GNAL: variants seen among roughly 807,000 people sequenced by gnomAD.
GNAL encodes guanine nucleotide-binding protein G(olf) subunit alpha.
In GNAL, 18 loss-of-function variants were observed where a neutral mutation model predicts 55.1. The ratio of observed to expected loss-of-function variants is 0.33; its 90% CI spans 0.23 to 0.48. GNAL has a LOEUF of 0.48. GNAL is among the 20% of genes least tolerant of loss of function. The pLI is 0.99. For missense variants in GNAL, 412 were observed against 614.1 expected, an observed-to-expected ratio of 0.67 and a Z score of 3.48; for synonymous variants, 253 against 237.0, an observed-to-expected ratio of 1.07 and a Z score of -0.62.
intron 6 of GNAL, among the ~76,000 whole-genome samples, 158 bp from the exon 7 acceptor site, chr18:11,864,375 G>A (rs1254864409): frequency 1.3e-5 from 2 of 152,164 alleles, no homozygotes; most frequent in Non-Finnish European, 2.9e-5. Flanking sequence ...TTACAGGCGT[G>A]AGTCACCATG....
chr18:11,781,822 AG>A (rs1373271703), intron 4 of GNAL, among the ~76,000 whole-genome samples: 2 of 152,156 alleles, frequency 1.3e-5, no homozygotes, highest in Non-Finnish European at 2.9e-5. Flanking sequence ...CCAAAAGGGG[AG>A]GGGTCACACT....
At chr18:11,693,449 A>G (rs961953497) in intron 1 of GNAL, among the ~76,000 whole-genome samples, 1 of 152,260 alleles carries the variant, frequency 6.6e-6, no homozygotes, top group Non-Finnish European at 1.5e-5. Flanking sequence ...GCATACTGTT[A>G]CATGAGGTTG....
intron 1 of GNAL, among the ~76,000 whole-genome samples, chr18:11,716,057 G>A (rs1309421165): frequency 1.3e-5 from 2 of 152,166 alleles, no homozygotes; most frequent in African/African-American, 2.4e-5. Context: ...TGGTGGGAGT[G>A]TAAATTAGTT....
chr18:11,880,544 C>T (rs570146873), intron 11 of GNAL, among the ~76,000 whole-genome samples: 1 of 152,280 alleles, frequency 6.6e-6, no homozygotes, highest in African/African-American at 2.4e-5. Context: ...CACTGCACTC[C>T]AGCCTGGGCA....
chr18:11,776,095 C>T (rs1451310689), intron 4 of GNAL, among the ~76,000 whole-genome samples: 1 of 152,238 alleles, frequency 6.6e-6, no homozygotes, highest in Non-Finnish European at 1.5e-5. Flanking sequence ...TCAACAGCAT[C>T]CGCCTCCAGA....
At chr18:11,879,043 C>T (rs2036598046) in intron 11 of GNAL, among the ~76,000 whole-genome samples, 1 of 151,544 alleles carries the variant, frequency 6.6e-6, no homozygotes, top group South Asian at 2.1e-4. Flanking sequence ...CAACATGGCA[C>T]ATGTATACAT....
chr18:11,747,805 A>G (rs933816744), intron 1 of GNAL, among the ~76,000 whole-genome samples: 1 of 152,050 alleles, frequency 6.6e-6, no homozygotes, highest in African/African-American at 2.4e-5. Context: ...TGTGCCTTTC[A>G]AATTCTCCAC....
At chr18:11,801,661 C>T (rs542436539) in intron 4 of GNAL, among the ~76,000 whole-genome samples, 29 of 152,124 alleles carry the variant, frequency 1.9e-4, no homozygotes, top group African/African-American at 6.3e-4. Flanking sequence ...GTGAGAGGTG[C>T]GGATGGTTGG....
At chr18:11,867,821 A>AT (rs1430544675) in intron 8 of GNAL, among the ~76,000 whole-genome samples, 8 of 147,336 alleles carry the variant, frequency 5.4e-5, no homozygotes, top group African/African-American at 1.3e-4. Flanking sequence ...TGTCAAAAAA[A>AT]AATAATAATA....
At chr18:11,703,363 T>TAAGG (rs756792019) in intron 1 of GNAL, among the ~76,000 whole-genome samples, 3 of 152,224 alleles carry the variant, frequency 2.0e-5, no homozygotes, top group African/African-American at 7.2e-5. Context: ...ATGTGACCTA[T>TAAGG]AAGGAAGTGT....
chr18:11,851,833 C>T lies in GNAL; in HGVS notation c.723-10562C>T, dbSNP rs758163510. 4.3e-6 allele frequency: 7 copies of T among 1,613,932 alleles called. No homozygotes were observed. In the Admixed American group the frequency reaches 1.2e-4, roughly 27 times the overall value. On this transcript the variant is annotated intron_variant, in intron 5 of 11. Transcript: ENST00000334049. Reference sequence around the variant, plus strand: ...GGATGCGACATTGAAGACCATGAATCTGGAGAAGATTTCTGCTTTGATGGA... The same window carrying T: ...GGATGCGACATTGAAGACCATGAATTTGGAGAAGATTTCTGCTTTGATGGA...
At chr18:11,757,074 A>T (rs2033081108) in intron 4 of GNAL, among the ~76,000 whole-genome samples, 1 of 152,194 alleles carries the variant, frequency 6.6e-6, no homozygotes, top group Admixed American at 6.5e-5. Flanking sequence ...CTTATCTTAG[A>T]AACAAACATC....
Position 11,818,320 on chromosome 18 carries a change from C to T in GNAL, c.625-6598C>T, listed in dbSNP as rs192038129. 7.9e-5 allele frequency among the ~76,000 whole-genome samples: 12 copies of T among 152,272 alleles called. No homozygotes were observed. In the East Asian group the frequency reaches 1.3e-3, roughly 17 times the overall value. Reference sequence around the variant, plus strand: ...ACCAGATACCTGAAAAAAGAAACAACGGATACCTACTAGCTCATTCTGTTA... The same window carrying T: ...ACCAGATACCTGAAAAAAGAAACAATGGATACCTACTAGCTCATTCTGTTA... On this transcript the variant is annotated intron_variant, in intron 4 of 11. Coordinates refer to ENST00000334049, the MANE Select transcript of GNAL (RefSeq NM_182978.4).
chr18:11,735,314 G>C lies in GNAL; in HGVS notation c.377-17539G>C, dbSNP rs111432603. Among the ~76,000 whole-genome samples, 1,277 of 152,150 alleles carry C rather than the reference G, an allele frequency of 8.4e-3. 18 individuals carry two copies. The highest frequency in any genetic ancestry group is 0.029 in the African/African-American group (1,208 of 41,524). ...GATCCACCCGCCTTGCCCTTCCAAA[G>C]TGCTGGGATTACTGGTGTGAGCCAC... On this transcript the variant is annotated intron_variant, in intron 1 of 11. Coordinates refer to ENST00000334049, the MANE Select transcript of GNAL (RefSeq NM_182978.4).
At chr18:11,696,538 A>G (rs2031420026) in intron 1 of GNAL, among the ~76,000 whole-genome samples, 1 of 151,306 alleles carries the variant, frequency 6.6e-6, no homozygotes, top group East Asian at 1.9e-4. Context: ...ACACATCCTT[A>G]CAGCCTTAAA....
intron 4 of GNAL, among the ~76,000 whole-genome samples, chr18:11,786,436 CTTTTTTTTTTTTTTTTTTT>C (rs66803403): frequency 1.6e-5 from 1 of 60,616 alleles, no homozygotes; most frequent in Non-Finnish European, 2.8e-5. Context: ...CATACGTTTT[CTTTTTTTTTTTTTTTTTTT>C]TTTTTTTTTT....
At chr18:11,728,402 C>T (rs2032262042) in intron 1 of GNAL, among the ~76,000 whole-genome samples, 3 of 152,094 alleles carry the variant, frequency 2.0e-5, no homozygotes, top group South Asian at 4.2e-4. Flanking sequence ...GCTCTCACAG[C>T]CAGTGTCATG....
intron 5 of GNAL, among the ~76,000 whole-genome samples, chr18:11,859,448 A>G (rs548238233): frequency 6.6e-6 from 1 of 152,340 alleles, no homozygotes; most frequent in African/African-American, 2.4e-5. Flanking sequence ...CCAGGCCAGC[A>G]ACCACCATGC....
In GNAL at chr18:11,751,443, G is replaced by A. The variant is rs2032822918; in HGVS notation, c.377-1410G>A. The A allele has an allele frequency of 1.1e-6, 1 of 913,342 alleles. No homozygotes were observed. The highest frequency in any genetic ancestry group is 1.8e-5 in the African/African-American group (1 of 55,878). The allele number at this position is 913,342 out of a possible 1,614,324, so 56.6% of individuals were successfully genotyped here. ...GGCTGGAGGTAAAGACAGGAGGCTC[G>A]GGAGGCGGCGACGTGGGCGAGCTGG... On this transcript the variant is annotated intron_variant, in intron 1 of 11. Transcript: ENST00000334049. This position sits in a 1 kb window ranked among gnomAD's most constrained non-coding sequence, Gnocchi z 4.5.
Sources: gnomAD v4.1 joint callset for allele counts (sites outside exome capture counted in the v4.1 genomes callset) on GRCh38, gnomAD v4.1.1 for gene constraint, Gnocchi (gnomAD v3.1) non-coding constraint, MANE v1.5 for transcripts, NCBI Gene and HGNC (gene_info 2026-07-23, HGNC 2026-07-21) for gene names.